The following HS6ST2 variants were observed in gnomAD, a reference collection of about 807,000 sequenced individuals.
HS6ST2 encodes the protein heparan sulfate 6-O-sulfotransferase 2.
A neutral mutation model predicts 33.0 loss-of-function variants in HS6ST2; 17 were observed. The observed-to-expected ratio is 0.52, with a 90% CI of 0.35 to 0.77. The LOEUF is 0.77. HS6ST2 is among the 30% of genes least tolerant of loss of function. HS6ST2 has a pLI of 0.01. For synonymous variants in HS6ST2, 248 were observed against 237.1 expected, an observed-to-expected ratio of 1.05 and a Z score of -0.42; for missense variants, 519 against 551.7, an observed-to-expected ratio of 0.94 and a Z score of 0.59.
intron 2 of HS6ST2, among the ~76,000 whole-genome samples, chrX:132,898,566 A>G (rs2066399214): frequency 9.2e-6 from 1 of 109,147 alleles, no homozygotes; most frequent in South Asian, 4.0e-4. Context: ...GACAAAATAC[A>G]TGAAAAAAAA....
intron 3 of HS6ST2, among the ~76,000 whole-genome samples, chrX:132,673,118 C>T (rs1261497598): frequency 8.9e-6 from 1 of 112,293 alleles, no homozygotes; most frequent in Admixed American, 9.4e-5. Context: ...AATTGTATTT[C>T]AAGAGAACAG....
At chrX:132,669,795 A>C in intron 3 of HS6ST2, 1 of 112,773 alleles carries the variant, frequency 8.9e-6, no homozygotes. Context: ...TCCACAGCTT[A>C]TGTCAAACCT....
intron 2 of HS6ST2, among the ~76,000 whole-genome samples, chrX:132,939,940 T>C (rs897393775): frequency 3.6e-5 from 4 of 111,911 alleles, no homozygotes; most frequent in Non-Finnish European, 7.5e-5. Flanking sequence ...TGGATATTGA[T>C]AAGCTGATGC....
intron 2 of HS6ST2, among the ~76,000 whole-genome samples, chrX:132,867,185 A>G (rs2065995340): frequency 9.4e-6 from 1 of 106,353 alleles, no homozygotes; most frequent in African/African-American, 3.5e-5. Flanking sequence ...AGTTTTTAGC[A>G]TGAAGGGTTG....
At chrX:132,865,669 T>G (rs1238920970) in intron 2 of HS6ST2, among the ~76,000 whole-genome samples, 1 of 111,956 alleles carries the variant, frequency 8.9e-6, no homozygotes, top group East Asian at 2.8e-4. Context: ...TGATTGCCAT[T>G]CTAACTGGTG....
At chrX:132,947,275 T>C (rs776585053) in intron 2 of HS6ST2, among the ~76,000 whole-genome samples, 20 of 110,222 alleles carry the variant, frequency 1.8e-4, no homozygotes, top group Middle Eastern at 4.2e-3. Flanking sequence ...TATGTATATG[T>C]GTGTGTGTAT....
At chrX:132,794,849 C>T (rs1330372720) in intron 2 of HS6ST2, among the ~76,000 whole-genome samples, 2 of 110,679 alleles carry the variant, frequency 1.8e-5, no homozygotes, top group Non-Finnish European at 3.8e-5. Context: ...CATGGTAGAG[C>T]TGGCCTTGAT....
chrX:132,848,101 C>T (rs989058287), intron 2 of HS6ST2, among the ~76,000 whole-genome samples: 2 of 111,939 alleles, frequency 1.8e-5, no homozygotes, highest in South Asian at 3.8e-4. Context: ...AGTAAGTAAA[C>T]GGAATGCTGC....
At chrX:132,720,807 A>G (rs776758947) in intron 2 of HS6ST2, among the ~76,000 whole-genome samples, 3 of 111,236 alleles carry the variant, frequency 2.7e-5, no homozygotes, top group Non-Finnish European at 5.7e-5. Flanking sequence ...ATAGATTTCA[A>G]GACAAAAACA....
intron 3 of HS6ST2, among the ~76,000 whole-genome samples, chrX:132,693,839 G>T (rs1261209846): frequency 9.0e-6 from 1 of 111,273 alleles, no homozygotes; most frequent in African/African-American, 3.3e-5. Flanking sequence ...AGACACTGAG[G>T]ATGGTCTCAG....
chrX:132,924,659 GC>G (rs764652832), intron 2 of HS6ST2, among the ~76,000 whole-genome samples: 52 of 110,886 alleles, frequency 4.7e-4, no homozygotes, highest in African/African-American at 1.7e-3. Flanking sequence ...AGCCAGACCA[GC>G]CCCACCACCT....
intron 2 of HS6ST2, among the ~76,000 whole-genome samples, chrX:132,825,434 G>T (rs1356988863): frequency 9.0e-6 from 1 of 111,339 alleles, no homozygotes; most frequent in Non-Finnish European, 1.9e-5. Flanking sequence ...TCAGCACTTG[G>T]GCAGCACCTT....
intron 2 of HS6ST2, among the ~76,000 whole-genome samples, chrX:132,938,540 C>T (rs891366901): frequency 2.7e-5 from 3 of 110,650 alleles, no homozygotes; most frequent in African/African-American, 9.9e-5. Context: ...ACTTGGAAGG[C>T]TGAGGTGGGA....
chrX:132,947,079 T>C (rs1174078936), intron 2 of HS6ST2, among the ~76,000 whole-genome samples: 1 of 111,704 alleles, frequency 9.0e-6, no homozygotes, highest in Non-Finnish European at 1.9e-5. Context: ...TCAGATAGTA[T>C]GGTCTACAAG....
At chrX:132,959,966 A>G (rs1182382690), upstream of HS6ST2, among the ~76,000 whole-genome samples, 1 of 111,941 alleles carries the variant, frequency 8.9e-6, no homozygotes, top group East Asian at 2.8e-4. Context: ...CTAGACTTCT[A>G]CGTGCCCCCA....
At chrX:132,740,450 C>A in intron 2 of HS6ST2, among the ~76,000 whole-genome samples, 1 of 111,535 alleles carries the variant, frequency 9.0e-6, no homozygotes, top group East Asian at 2.8e-4. Flanking sequence ...TCTCTCCCAG[C>A]AAACCATTCA....
chrX:132,755,958 G>T lies in HS6ST2; in HGVS notation c.948-47464C>A, dbSNP rs146785478. Among the ~76,000 whole-genome samples the T allele has an allele frequency of 4.8e-3, 541 of 111,895 alleles. 2 individuals carry two copies. Among genetic ancestry groups the T allele is most frequent in the Middle Eastern group, 0.023 (5 of 214 alleles). On this transcript the variant is annotated intron_variant, in intron 2 of 4. Coordinates refer to ENST00000370833, the MANE Select transcript of HS6ST2 (RefSeq NM_001394073.1). ...CCAACTGAATTTGTTACTGCTTTCT[G>T]AAAAAGGGTGTAGCTTAAGGCCAGT...
intron 2 of HS6ST2, among the ~76,000 whole-genome samples, chrX:132,801,922 A>G (rs776970693): frequency 1.8e-5 from 2 of 112,002 alleles, no homozygotes; most frequent in Non-Finnish European, 3.8e-5. Flanking sequence ...ATGATCTAAC[A>G]GATAAATACA....
At chrX:132,657,610 CT>C (rs1207128340) in intron 4 of HS6ST2, among the ~76,000 whole-genome samples, 4 of 107,904 alleles carry the variant, frequency 3.7e-5, no homozygotes, top group Non-Finnish European at 7.7e-5. Context: ...TTTGTAAGGT[CT>C]TTGGAGACAT....
Sources: gnomAD v4.1 joint callset for allele counts (sites outside exome capture counted in the v4.1 genomes callset) on GRCh38, gnomAD v4.1.1 for gene constraint, MANE v1.5 for transcripts, NCBI Gene and HGNC (gene_info 2026-07-23, HGNC 2026-07-21) for gene names.